Variants in RABGAP1L observed in about 807,000 individuals in gnomAD.
The protein encoded by RABGAP1L is RAB GTPase activating protein 1 like.
A neutral mutation model predicts 137.7 loss-of-function variants in RABGAP1L; 63 were observed. That is an observed-to-expected ratio of 0.46 (90% confidence interval 0.37 to 0.56). The LOEUF is 0.56. Among genes scored for constraint, RABGAP1L ranks in the 20% least tolerant of loss-of-function variants. The pLI, the probability that RABGAP1L is intolerant of heterozygous loss-of-function variation, is 0.00. For synonymous variants in RABGAP1L, 431 were observed against 433.7 expected (o/e 0.99, Z 0.08); for missense variants, 1,095 against 1,244.0 (o/e 0.88, Z 1.80).
chr1:174,503,140 G>C (rs984979019), intron 13 of RABGAP1L, among the ~76,000 whole-genome samples: 1 of 152,120 alleles, frequency 6.6e-6, no homozygotes, highest in African/African-American at 2.4e-5. Flanking sequence ...CTATGACCTG[G>C]AGTCCAAATC....
intron 13 of RABGAP1L, among the ~76,000 whole-genome samples, chr1:174,601,818 C>G (rs1670434702): frequency 6.7e-6 from 1 of 149,750 alleles, no homozygotes; most frequent in Admixed American, 6.6e-5. Flanking sequence ...GCTAGATACC[C>G]TAAATCATCT....
chr1:174,524,796 AC>A (rs1663733850), intron 13 of RABGAP1L, among the ~76,000 whole-genome samples: 2 of 151,814 alleles, frequency 1.3e-5, no homozygotes, highest in African/African-American at 4.8e-5. Flanking sequence ...TAAGTCTTTA[AC>A]CCATCTTGAA....
rs755688394 is a variant in RABGAP1L, at chr1:174,176,741, A to AAAAAAAAAAAAATAAAAT, written c.-34+17089_-34+17090insAAAAAAATAAAATAAAAA. ...AAAAAAAAAAAAAAAAAAAAAAAAA[A>AAAAAAAAAAAAATAAAAT]AAAAAGGTCAACATTTGTTAATACT... is the stretch of plus-strand genomic sequence containing the variant. On this transcript the variant is annotated intron_variant, in intron 1 of 25. Coordinates refer to ENST00000681986, the MANE Select transcript of RABGAP1L (RefSeq NM_001366446.1). Among the ~76,000 whole-genome samples the AAAAAAAAAAAAATAAAAT allele has an allele frequency of 3.3e-4, 37 of 111,806 alleles. 1 individual carries two copies. Among genetic ancestry groups the AAAAAAAAAAAAATAAAAT allele is most frequent in the Non-Finnish European group, 5.6e-4 (31 of 54,878 alleles). 73.3% of individuals were successfully genotyped at this position (111,806 alleles called of 152,430 possible).
At chr1:174,918,517 T>C (rs2149218745) in intron 19 of RABGAP1L, among the ~76,000 whole-genome samples, 1 of 152,328 alleles carries the variant, frequency 6.6e-6, no homozygotes, top group African/African-American at 2.4e-5. Flanking sequence ...GCATGGTGGC[T>C]CACGCCTGCA....
At chr1:174,700,401 G>A (rs921412525) in intron 16 of RABGAP1L, 1 of 152,186 alleles carries the variant, frequency 6.6e-6, no homozygotes, top group Non-Finnish European at 1.5e-5. Flanking sequence ...ATACATGGAT[G>A]GATTGATTCC....
At chr1:174,861,819 G>A (rs1200037872) in intron 19 of RABGAP1L, among the ~76,000 whole-genome samples, 1 of 152,066 alleles carries the variant, frequency 6.6e-6, no homozygotes, top group Non-Finnish European at 1.5e-5. Context: ...TTGCTGTTGA[G>A]TTATATGAAT....
At chr1:174,726,555 T>G (rs1681999911) in intron 17 of RABGAP1L, among the ~76,000 whole-genome samples, 1 of 152,178 alleles carries the variant, frequency 6.6e-6, no homozygotes, top group Non-Finnish European at 1.5e-5. Context: ...AAAAAATAAC[T>G]TCATCATTAC....
Position 174,496,908 on chromosome 1 carries a change from A to G in RABGAP1L, c.1710+102763A>G, listed in dbSNP as rs1660785364. ...GCCCATCCTACCCACACCCATCACT[A>G]TTAGAGAAAATCGATGCTGCAGAGA... On this transcript the variant is annotated intron_variant, in intron 13 of 25. Transcript: ENST00000681986. Among the ~76,000 whole-genome samples, 5 of 152,206 alleles carry G rather than the reference A, an allele frequency of 3.3e-5. 1 individual carries two copies. In the South Asian group the frequency reaches 1.0e-3, roughly 31 times the overall value.
chr1:174,628,861 G>A (rs930580437), intron 13 of RABGAP1L, among the ~76,000 whole-genome samples: 7 of 152,064 alleles, frequency 4.6e-5, no homozygotes, highest in Admixed American at 2.6e-4. Flanking sequence ...TGCATATATG[G>A]GAATCTTCTC....
chr1:174,546,857 C>T (rs977967825), intron 13 of RABGAP1L, among the ~76,000 whole-genome samples: 8 of 151,098 alleles, frequency 5.3e-5, no homozygotes, highest in East Asian at 2.0e-4. Context: ...GGTGAAACCC[C>T]GTCTCTACTG....
At chr1:174,304,766 T>A (rs1678039618) in intron 10 of RABGAP1L, among the ~76,000 whole-genome samples, 1 of 152,186 alleles carries the variant, frequency 6.6e-6, no homozygotes, top group South Asian at 2.1e-4. Flanking sequence ...ATTAGTAGGT[T>A]TCATCATATT....
intron 10 of RABGAP1L, among the ~76,000 whole-genome samples, chr1:174,304,457 ATATT>A (rs1381049856): frequency 1.3e-5 from 2 of 151,882 alleles, no homozygotes; most frequent in African/African-American, 4.8e-5. Context: ...AAATCCATAT[ATATT>A]TATATATGTA....
intron 19 of RABGAP1L, among the ~76,000 whole-genome samples, chr1:174,914,929 T>C (rs1323079195): frequency 1.3e-5 from 2 of 152,376 alleles, no homozygotes; most frequent in East Asian, 1.9e-4. Context: ...ACTTGGCTTC[T>C]TTTACTTGGC....
At chr1:174,799,728 C>T (rs1688553720) in intron 18 of RABGAP1L, among the ~76,000 whole-genome samples, 1 of 152,016 alleles carries the variant, frequency 6.6e-6, no homozygotes, top group Admixed American at 6.6e-5. Context: ...CCTTCCTTCC[C>T]TACCCCTTCA....
chr1:174,721,228 G>T (rs1681512194), intron 17 of RABGAP1L, among the ~76,000 whole-genome samples: 1 of 152,212 alleles, frequency 6.6e-6, no homozygotes, highest in Non-Finnish European at 1.5e-5. Flanking sequence ...TGATAAAGGT[G>T]TGATGCTTTC....
intron 19 of RABGAP1L, among the ~76,000 whole-genome samples, chr1:174,924,925 G>A (rs1208558742): frequency 1.3e-5 from 2 of 152,192 alleles, no homozygotes; most frequent in Admixed American, 1.3e-4. Context: ...AGGTCAGGAA[G>A]ATCAGTAGTG....
intron 12 of RABGAP1L, among the ~76,000 whole-genome samples, chr1:174,385,009 A>G (rs1265489095): frequency 1.3e-5 from 2 of 152,178 alleles, no homozygotes; most frequent in African/African-American, 2.4e-5. Flanking sequence ...TTACTTGACT[A>G]ATTTGTGTCT....
intron 18 of RABGAP1L, among the ~76,000 whole-genome samples, chr1:174,784,656 G>A (rs909089137): frequency 1.3e-5 from 2 of 152,168 alleles, no homozygotes; most frequent in East Asian, 1.9e-4. Flanking sequence ...GTCAGGAATC[G>A]GAGTTCAAAG....
intron 20 of RABGAP1L, chr1:174,958,110 C>G: frequency 6.6e-7 from 1 of 1,508,168 alleles, no homozygotes; most frequent in Non-Finnish European, 8.9e-7. Flanking sequence ...TTCAAACTTG[C>G]CTCTGTCTGT....
Sources: allele counts gnomAD v4.1 joint callset (sites outside exome capture counted in the v4.1 genomes callset), GRCh38; gene constraint gnomAD v4.1.1; transcripts MANE v1.5; gene names NCBI Gene and HGNC (gene_info 2026-07-23, HGNC 2026-07-21).